The following CAMKMT variants were observed in gnomAD, a reference collection of about 807,000 sequenced individuals.
CAMKMT encodes the protein CaM KMT.
CAMKMT carries 53 observed loss-of-function variants against 48.0 expected under a neutral mutation model. That is an observed-to-expected ratio of 1.10 (90% CI 0.89 to 1.39). CAMKMT has a LOEUF of 1.39. CAMKMT is among the 40% of genes most tolerant of loss of function. CAMKMT has a pLI of 0.00. For missense variants in CAMKMT, 428 were observed against 402.7 expected (o/e 1.06, Z -0.54); for synonymous variants, 165 against 152.3 (o/e 1.08, Z -0.61).
intron 3 of CAMKMT, among the ~76,000 whole-genome samples, chr2:44,588,047 C>G (rs1407941248): frequency 1.7e-3 from 214 of 123,706 alleles, no homozygotes; most frequent in Middle Eastern, 4.8e-3. Context: ...GCCTCTTCCC[C>G]GCCGCCCATC....
At chr2:44,676,291 A>C (rs538126377) in intron 3 of CAMKMT, among the ~76,000 whole-genome samples, 11 of 152,242 alleles carry the variant, frequency 7.2e-5, no homozygotes, top group Admixed American at 5.9e-4. Context: ...TGTTTCTTAA[A>C]TGTATATCCC....
At chr2:44,576,124 C>G (rs1010126364) in intron 3 of CAMKMT, among the ~76,000 whole-genome samples, 14 of 151,786 alleles carry the variant, frequency 9.2e-5, no homozygotes, top group African/African-American at 3.4e-4. Flanking sequence ...GTCAGGAGTT[C>G]GAGACCAGCC....
At chr2:44,758,782 C>T (rs1054336538) in intron 9 of CAMKMT, among the ~76,000 whole-genome samples, 1 of 152,126 alleles carries the variant, frequency 6.6e-6, no homozygotes, top group Non-Finnish European at 1.5e-5. Flanking sequence ...AGGACCCAAA[C>T]GTAATTTAAA....
chr2:44,667,937 C>T (rs971758533), intron 3 of CAMKMT, among the ~76,000 whole-genome samples: 4 of 152,270 alleles, frequency 2.6e-5, no homozygotes, highest in Non-Finnish European at 4.4e-5. Context: ...ATTTCATCCT[C>T]GACACTCAGC....
At chr2:44,568,114 A>G (rs1470993843) in intron 3 of CAMKMT, among the ~76,000 whole-genome samples, 1 of 152,110 alleles carries the variant, frequency 6.6e-6, no homozygotes, top group Non-Finnish European at 1.5e-5. Context: ...GTTGAGCATA[A>G]ATCTGAAGGA....
intron 3 of CAMKMT, among the ~76,000 whole-genome samples, chr2:44,567,190 T>C (rs1304419176): frequency 6.6e-6 from 1 of 152,192 alleles, no homozygotes; most frequent in African/African-American, 2.4e-5. Flanking sequence ...TCTGCAGCTC[T>C]TTCAGTAGTA....
intron 3 of CAMKMT, among the ~76,000 whole-genome samples, chr2:44,415,348 C>G (rs1683483344): frequency 6.6e-6 from 1 of 152,168 alleles, no homozygotes; most frequent in Admixed American, 6.5e-5. Context: ...GTTTAGTTCA[C>G]TACAGAGGAT....
intron 3 of CAMKMT, among the ~76,000 whole-genome samples, chr2:44,648,689 T>C (rs1440911198): frequency 1.3e-5 from 2 of 152,210 alleles, no homozygotes; most frequent in Non-Finnish European, 2.9e-5. Context: ...TTCTTAACCT[T>C]TCTAGGTCTC....
At chr2:44,745,146 C>T (rs1272641939) in intron 8 of CAMKMT, among the ~76,000 whole-genome samples, 2 of 152,106 alleles carry the variant, frequency 1.3e-5, no homozygotes, top group African/African-American at 2.4e-5. Flanking sequence ...CAGAGAGCAG[C>T]GGCAAAAGGG....
At position 44,754,113 on chromosome 2, in the gene CAMKMT, C is replaced by G; in HGVS notation, c.757C>G (p.Pro253Ala). The G allele has an allele frequency of 6.2e-7, 1 of 1,612,734 alleles. No individual in the cohort carries two copies. Among genetic ancestry groups the G allele is most frequent in the Non-Finnish European group, 8.5e-7 (1 of 1,178,768 alleles). Residue 253 changes from proline (P) to alanine (A), a missense_variant, in exon 9 of 11, where the codon CCC becomes GCC. Coordinates refer to ENST00000378494, the MANE Select transcript of CAMKMT (RefSeq NM_024766.5). ...LVDAIKRLLQ[P>A]RGKAMVFAPR... is the part of the protein sequence containing the mutation. ...TGATGCAATAAAGAGATTACTCCAG[C>G]CCAGGGTAAGTATGTTTCTATTTTC...
chr2:44,382,444 G>A (rs1040244484), intron 2 of CAMKMT, among the ~76,000 whole-genome samples: 2 of 150,970 alleles, frequency 1.3e-5, no homozygotes, highest in Non-Finnish European at 3.0e-5. Flanking sequence ...TGCTTATTTG[G>A]TCAGTCATAT....
chr2:44,700,185 A>G (rs774219522), intron 3 of CAMKMT, among the ~76,000 whole-genome samples: 1 of 152,216 alleles, frequency 6.6e-6, no homozygotes, highest in Non-Finnish European at 1.5e-5. Context: ...CCTTCATAGA[A>G]TTGAAGAGTT....
chr2:44,666,612 C>CTTTTTTTTTTTTTTTTTTTTTTTT lies in CAMKMT; in HGVS notation c.377-37654_377-37653insTTTTTTTTTTTTTTTTTTTTTTTT, dbSNP rs1293884982. On this transcript the variant is annotated intron_variant, in intron 3 of 10. Coordinates refer to ENST00000378494, the MANE Select transcript of CAMKMT (RefSeq NM_024766.5). ...TTGATCTCCTTTTGGCTCCTGGAAT[C>CTTTTTTTTTTTTTTTTTTTTTTTT]TTTTTTTTTTTTTTTTTGAGACAGA... is the stretch of plus-strand genomic sequence containing the variant. Among the ~76,000 whole-genome samples the CTTTTTTTTTTTTTTTTTTTTTTTT allele has an allele frequency of 2.2e-5, 3 of 133,972 alleles. 1 individual carries two copies. The highest frequency in any genetic ancestry group is 8.8e-5 in the African/African-American group (3 of 34,146). 87.9% of individuals were successfully genotyped at this position (133,972 alleles called of 152,430 possible). A position where few individuals can be genotyped will look rare whatever the true frequency, so the allele number is the denominator to read the frequency against.
chr2:44,677,079 G>A (rs1675740446), intron 3 of CAMKMT, among the ~76,000 whole-genome samples: 1 of 152,038 alleles, frequency 6.6e-6, no homozygotes, highest in South Asian at 2.1e-4. Flanking sequence ...ATCCTGAAGG[G>A]GATTTTCATC....
In CAMKMT at chr2:44,597,259, A is replaced by G. The variant is rs188706264; in HGVS notation, c.377-107024A>G. Among the ~76,000 whole-genome samples, 5 of 152,308 alleles carry G rather than the reference A, an allele frequency of 3.3e-5. No individual in the cohort carries two copies. The East Asian group carries it at 5.8e-4, about 18-fold the overall frequency. On this transcript the variant is annotated intron_variant, in intron 3 of 10. Coordinates refer to ENST00000378494, the MANE Select transcript of CAMKMT (RefSeq NM_024766.5). ...CATAGACTAGTTAACTCTCTATATA[A>G]CTAAGTTCCGTCCTTGGCAGATGGA...
chr2:44,460,191 A>G (rs1164444623), intron 3 of CAMKMT, among the ~76,000 whole-genome samples: 1 of 152,224 alleles, frequency 6.6e-6, no homozygotes, highest in African/African-American at 2.4e-5. Flanking sequence ...CCCACCTTAT[A>G]GTTAACAGAA....
At chr2:44,446,927 C>T (rs1288171133) in intron 3 of CAMKMT, among the ~76,000 whole-genome samples, 1 of 152,140 alleles carries the variant, frequency 6.6e-6, no homozygotes, top group African/African-American at 2.4e-5. Context: ...TGGGCTTTTC[C>T]TTATTCCTTT....
intron 3 of CAMKMT, among the ~76,000 whole-genome samples, chr2:44,693,584 C>A (rs1676775680): frequency 6.6e-6 from 1 of 152,190 alleles, no homozygotes; most frequent in African/African-American, 2.4e-5. Context: ...TATCTCCATC[C>A]CTGTTGATCC....
At chr2:44,435,924 C>T (rs1666212372) in intron 3 of CAMKMT, among the ~76,000 whole-genome samples, 1 of 152,092 alleles carries the variant, frequency 6.6e-6, no homozygotes, top group East Asian at 1.9e-4. Flanking sequence ...TCCCATAGTA[C>T]GTCATTCATT....
Sources: allele counts gnomAD v4.1 joint callset (sites outside exome capture counted in the v4.1 genomes callset), GRCh38; gene constraint gnomAD v4.1.1; transcripts MANE v1.5; gene names NCBI Gene and HGNC (gene_info 2026-07-23, HGNC 2026-07-21).